Variants in PHKB observed in about 807,000 individuals in gnomAD.
PHKB encodes the protein phosphorylase kinase regulatory subunit beta.
In PHKB, 122 loss-of-function variants were observed where a neutral mutation model predicts 152.1. That is an observed-to-expected ratio of 0.80 (90% CI 0.69 to 0.93). The LOEUF (loss-of-function observed/expected upper bound fraction) is 0.93, where lower values mean the gene tolerates loss of function less well. Ranked by LOEUF, PHKB falls within the 40% of genes least tolerant of loss-of-function variation. The pLI is 0.00. For missense variants in PHKB, 1,304 were observed against 1,328.4 expected, an observed-to-expected ratio of 0.98 and a Z score of 0.29; for synonymous variants, 436 against 464.9, an observed-to-expected ratio of 0.94 and a Z score of 0.80.
intron 1 of PHKB, among the ~76,000 whole-genome samples, chr16:47,461,706 T>C (rs891078810): frequency 1.3e-5 from 2 of 152,164 alleles, no homozygotes; most frequent in Non-Finnish European, 1.5e-5. Context: ...CTTAGAGTCT[T>C]CTAACTTAAA....
rs749576749 is a variant in PHKB at position 47,660,681 on chromosome 16, G to T, written c.2058G>T (p.Glu686Asp). 35 of 1,613,998 alleles carry T rather than the reference G, an allele frequency of 2.2e-5. No homozygotes were observed. The highest frequency in any genetic ancestry group is 3.0e-5 in the Non-Finnish European group (35 of 1,179,958). Residue 686 changes from glutamate (E) to aspartate (D), a missense_variant, in exon 22 of 31, where the codon GAG becomes GAT. Coordinates refer to ENST00000323584, the MANE Select transcript of PHKB (RefSeq NM_000293.3). ...GGCTTCCAGAATTTAAGAGTTTTGA[G>T]GAACTAGAACCTCCCAAACATTCAA... ...TEELPEFKSF[E>D]ELEPPKHSKV...
At chr16:47,508,662 C>T (rs754990184) in intron 4 of PHKB, among the ~76,000 whole-genome samples, 2 of 151,984 alleles carry the variant, frequency 1.3e-5, no homozygotes, top group Admixed American at 6.5e-5. Context: ...AAGCAAAATA[C>T]GAGTGGAAGA....
intron 1 of PHKB, among the ~76,000 whole-genome samples, chr16:47,472,162 A>G (rs977580905): frequency 6.6e-6 from 1 of 152,250 alleles, no homozygotes; most frequent in Non-Finnish European, 1.5e-5. Flanking sequence ...ACATTTTAAA[A>G]TGGCATATTG....
intron 7 of PHKB, among the ~76,000 whole-genome samples, chr16:47,563,021 A>G (rs1971502498): frequency 6.6e-6 from 1 of 152,074 alleles, no homozygotes. Flanking sequence ...TTCAAGTTTT[A>G]TCTTGAGTTT....
intron 29 of PHKB, among the ~76,000 whole-genome samples, chr16:47,697,967 T>C (rs982002079): frequency 2.0e-5 from 3 of 152,204 alleles, no homozygotes; most frequent in Non-Finnish European, 4.4e-5. Context: ...CACAGACTTA[T>C]ACTCATTTGG....
At chr16:47,506,087 C>T (rs1321898164) in intron 4 of PHKB, among the ~76,000 whole-genome samples, 2 of 150,374 alleles carry the variant, frequency 1.3e-5, no homozygotes, top group African/African-American at 4.9e-5. Context: ...GGCATGATGG[C>T]TCACGCCTGT....
chr16:47,545,588 G>A (rs979072899), intron 6 of PHKB, among the ~76,000 whole-genome samples: 14 of 152,168 alleles, frequency 9.2e-5, no homozygotes, highest in African/African-American at 2.9e-4. Flanking sequence ...TGCTCTTTTC[G>A]AGGAGTATCT....
chr16:47,641,359 A>G (rs955269538), intron 15 of PHKB, among the ~76,000 whole-genome samples: 2 of 152,218 alleles, frequency 1.3e-5, no homozygotes, highest in Non-Finnish European at 2.9e-5. Context: ...TCATGCAAAC[A>G]CATGGGGATT....
chr16:47,544,397 T>G (rs1223191665), intron 6 of PHKB, among the ~76,000 whole-genome samples: 1 of 152,196 alleles, frequency 6.6e-6, no homozygotes, highest in African/African-American at 2.4e-5. Context: ...GTTGTGCGGT[T>G]TTGAGTGAGT....
At chr16:47,607,965 G>C (rs576550413) in intron 13 of PHKB, among the ~76,000 whole-genome samples, 3 of 151,550 alleles carry the variant, frequency 2.0e-5, no homozygotes, top group East Asian at 3.9e-4. Flanking sequence ...GTGCTTATTG[G>C]TAATTTGTAT....
chr16:47,606,821 T>TA (rs1385256045), intron 13 of PHKB, among the ~76,000 whole-genome samples: 2 of 152,178 alleles, frequency 1.3e-5, no homozygotes, highest in Admixed American at 1.3e-4. Flanking sequence ...TCAAGTGTGT[T>TA]ACAGCAGAAG....
Position 47,511,695 on chromosome 16 carries a change from A to G in PHKB, c.436A>G (p.Thr146Ala), listed in dbSNP as rs146558295. 7.3e-5 allele frequency: 117 copies of G among 1,613,358 alleles called. No individual in the cohort carries two copies. The African/African-American group carries it at 1.5e-3, about 21-fold the overall frequency. ...GCAGTTTAAGCAGGATCCACGCCCA[A>G]CAACATGTCTTCACTCTGTTTTCAA... ...VQQFKQDPRP[T>A]TCLHSVFNVH... Residue 146 changes from threonine to alanine, a missense_variant, in exon 5 of 31, where the codon ACA becomes GCA. Transcript: ENST00000323584.
At chr16:47,650,211 A>G (rs548746415) in intron 18 of PHKB, among the ~76,000 whole-genome samples, 1 of 152,306 alleles carries the variant, frequency 6.6e-6, no homozygotes, top group Admixed American at 6.5e-5. Context: ...CAGGAGTTCT[A>G]GACCAGTCTT....
chr16:47,554,502 A>G (rs1971331398), intron 7 of PHKB, among the ~76,000 whole-genome samples: 1 of 152,166 alleles, frequency 6.6e-6, no homozygotes, highest in South Asian at 2.1e-4. Context: ...CCCTGGCTTC[A>G]GCCCCCTTTC....
chr16:47,557,869 C>G (rs916942579), intron 7 of PHKB, among the ~76,000 whole-genome samples: 4 of 152,244 alleles, frequency 2.6e-5, no homozygotes, highest in Middle Eastern at 3.4e-3. Flanking sequence ...TTTGACCCAG[C>G]CATCCCATTA....
At chr16:47,496,233 G>C (rs1024285497) in intron 1 of PHKB, among the ~76,000 whole-genome samples, 4 of 151,358 alleles carry the variant, frequency 2.6e-5, no homozygotes, top group African/African-American at 9.7e-5. Context: ...GTGACCTTGA[G>C]TTGTTTTTAA....
rs552441667 is a variant in PHKB at position 47,517,361 on chromosome 16, T to G, written c.594+1760T>G. On this transcript the variant is annotated intron_variant, in intron 6 of 30. Transcript: ENST00000323584. ...GCCTCAACTTCCTGGGCTCAGGTGA[T>G]TCTCCCACCTCAGCCTCCTCAGTAG... Among the ~76,000 whole-genome samples the G allele has an allele frequency of 2.6e-5, 4 of 152,056 alleles. No homozygotes were observed. The East Asian group carries it at 7.7e-4, about 29-fold the overall frequency.
intron 6 of PHKB, among the ~76,000 whole-genome samples, chr16:47,525,196 C>G (rs996122070): frequency 1.3e-5 from 2 of 152,054 alleles, no homozygotes; most frequent in African/African-American, 4.8e-5. Context: ...GGGAGAATTC[C>G]CCAAGGACAA....
chr16:47,544,453 C>T (rs1379128190), intron 6 of PHKB, among the ~76,000 whole-genome samples: 3 of 152,182 alleles, frequency 2.0e-5, no homozygotes, highest in South Asian at 2.1e-4. Flanking sequence ...GTCTCAGAGA[C>T]AGTTTGTTGT....
Sources: allele counts gnomAD v4.1 joint callset (sites outside exome capture counted in the v4.1 genomes callset), GRCh38; gene constraint gnomAD v4.1.1; transcripts MANE v1.5; gene names NCBI Gene and HGNC (gene_info 2026-07-23, HGNC 2026-07-21).